Variants in OBI1 observed in about 807,000 individuals in gnomAD.
OBI1 encodes ORC ubiquitin ligase 1, also known as ring finger protein 219.
Under a neutral mutation model 62.4 loss-of-function variants are expected in OBI1, and 59 were observed. The ratio of observed to expected loss-of-function variants is 0.95; its 90% CI spans 0.77 to 1.17. The LOEUF is 1.17. Among genes scored for constraint, OBI1 ranks in the 50% most tolerant of loss-of-function variants. The pLI, the probability that OBI1 is intolerant of heterozygous loss-of-function variation, is 0.00. For missense variants in OBI1, 875 were observed against 830.9 expected (o/e 1.05, Z -0.65); for synonymous variants, 302 against 292.8 (o/e 1.03, Z -0.32).
chr13:78,634,588 C>A (rs774650378), intron 5 of OBI1, among the ~76,000 whole-genome samples: 10 of 152,100 alleles, frequency 6.6e-5, no homozygotes. Context: ...TGAGCCACTG[C>A]GCCCCCTGGT....
rs1252779906 is a variant in OBI1, at chr13:78,616,201, G to A, written c.1560C>T (p.Asn520=). ...ATGCTTCACTGGATGTTCTTGTCCG[G>A]TTCATTTCAAAAGAGCGAATAGAAT... ...RLNSIRSFEM[N]RTRTSSEASM... The change falls in exon 6 of 6, where the codon AAC becomes AAT. Residue 520 remains asparagine, a synonymous_variant. Transcript: ENST00000282003. The A allele has an allele frequency of 6.2e-7, 1 of 1,614,044 alleles. No individual in the cohort carries two copies. The highest frequency in any genetic ancestry group is 1.7e-5 in the Admixed American group (1 of 60,020).
Position 78,616,029 on chromosome 13 carries a change from C to A in OBI1, c.1732G>T (p.Glu578Ter). The change falls in exon 6 of 6, where the codon GAG (glutamate) becomes TAG (stop). Residue 578 changes from glutamate (E) to a stop codon, truncating the protein, a stop_gained. Coordinates refer to ENST00000282003, the MANE Select transcript of OBI1 (RefSeq NM_024546.4). LOFTEE classifies it high-confidence loss of function. The stretch of plus-strand genomic sequence containing the variant: ...TTTTCTTCCAACTTATCAGGTTCCT[C>A]AAGAAATTCACTGCCTTGAGATGAC... ...SKSSQGSEFL[E>*]EPDKLEEKTE... The A allele has an allele frequency of 6.2e-7, 1 of 1,614,140 alleles. No homozygotes were observed. Among genetic ancestry groups the A allele is most frequent in the Non-Finnish European group, 8.5e-7 (1 of 1,180,014 alleles).
chr13:78,619,939 CTAAAG>C (rs2137428494), intron 5 of OBI1, among the ~76,000 whole-genome samples: 1 of 152,316 alleles, frequency 6.6e-6, no homozygotes, highest in East Asian at 1.9e-4. Context: ...CACTGTATTA[CTAAAG>C]TAAACATGTT....
intron 5 of OBI1, among the ~76,000 whole-genome samples, chr13:78,625,929 C>T (rs371263650): frequency 4.4e-4 from 67 of 152,208 alleles, no homozygotes; most frequent in African/African-American, 1.5e-3. Context: ...CAAGAGCCAG[C>T]CAGACCAGCA....
At chr13:78,636,871 T>C (rs1399218066) in intron 4 of OBI1, among the ~76,000 whole-genome samples, 1 of 152,172 alleles carries the variant, frequency 6.6e-6, no homozygotes, top group Non-Finnish European at 1.5e-5. Flanking sequence ...CCTTTCCCCT[T>C]CCCTGCCCCC....
At chr13:78,620,524 C>A (rs1875474172) in intron 5 of OBI1, 4 of 433,892 alleles carry the variant, frequency 9.2e-6, no homozygotes, top group African/African-American at 6.2e-5. Flanking sequence ...TTGGGAGCTA[C>A]AATTGATATC....
At chr13:78,658,278 A>C (rs539652619) in intron 1 of OBI1, among the ~76,000 whole-genome samples, 2 of 152,284 alleles carry the variant, frequency 1.3e-5, no homozygotes, top group South Asian at 4.2e-4. Flanking sequence ...ATGCTCTTTA[A>C]AACACCGAAA....
chr13:78,651,131 A>G (rs1239217259), intron 1 of OBI1, among the ~76,000 whole-genome samples: 1 of 152,238 alleles, frequency 6.6e-6, no homozygotes, highest in Non-Finnish European at 1.5e-5. Context: ...ATCTCAGAAT[A>G]GTCAAAACAT....
intron 4 of OBI1, among the ~76,000 whole-genome samples, chr13:78,636,956 C>T (rs1013503641): frequency 3.3e-5 from 5 of 152,186 alleles, no homozygotes; most frequent in African/African-American, 1.2e-4. Flanking sequence ...TATAGGCTGG[C>T]TAGTTCCTCA....
In OBI1 at chr13:78,659,116, G is replaced by GAT; in HGVS notation, c.4_5insAT (p.Ala2AspfsTer46). On this transcript the variant is annotated frameshift_variant, in exon 1 of 6. Coordinates refer to ENST00000282003, the MANE Select transcript of OBI1 (RefSeq NM_024546.4). LOFTEE classifies it high-confidence loss of function. The stretch of plus-strand genomic sequence containing the variant: ...CAATGTAACATTCTGCACGGTCTGA[G>GAT]CCATGGCAGCGTTCAGAATCCCGCC... 1.2e-6 allele frequency: 2 copies of GAT among 1,611,154 alleles called. 1 individual carries two copies. Among genetic ancestry groups the GAT allele is most frequent in the African/African-American group, 2.7e-5 (2 of 74,790 alleles).
chr13:78,643,614 C>T (rs1441191697), intron 2 of OBI1, among the ~76,000 whole-genome samples: 1 of 152,244 alleles, frequency 6.6e-6, no homozygotes, highest in East Asian at 1.9e-4. Context: ...CATGGAGAAA[C>T]CCCGTCTCTA....
At position 78,645,659 on chromosome 13, in the gene OBI1, A is replaced by ATTT. The variant is rs11408032; in HGVS notation, c.73-665_73-663dup. Among the ~76,000 whole-genome samples, 6 of 151,394 alleles carry ATTT rather than the reference A, an allele frequency of 4.0e-5. No individual in the cohort carries two copies. In the South Asian group the frequency reaches 1.0e-3, roughly 26 times the overall value. On this transcript the variant is annotated intron_variant, in intron 1 of 5. Transcript: ENST00000282003. ...AATAATAATACCTTACATTTATAGC[A>ATTT]TTTTTTTTTGAGACGGAGTCTCGCT... is the stretch of plus-strand genomic sequence containing the variant.
intron 4 of OBI1, among the ~76,000 whole-genome samples, chr13:78,635,529 C>A (rs890456605): frequency 2.0e-4 from 31 of 152,214 alleles, no homozygotes; most frequent in Middle Eastern, 3.4e-3. Flanking sequence ...ACTGAATATT[C>A]TAGGCAAGGT....
chr13:78,623,409 T>C (rs989510431), intron 5 of OBI1, among the ~76,000 whole-genome samples: 2 of 152,136 alleles, frequency 1.3e-5, no homozygotes, highest in Non-Finnish European at 2.9e-5. Context: ...CCACAATTCA[T>C]TGTTTACTTG....
chr13:78,637,627 T>C (rs1244503667), intron 4 of OBI1, among the ~76,000 whole-genome samples: 1 of 152,240 alleles, frequency 6.6e-6, no homozygotes, highest in Non-Finnish European at 1.5e-5. Flanking sequence ...TGATAAATAC[T>C]GTAATTTCCG....
chr13:78,645,043 T>C (rs757578491), intron 1 of OBI1, 46 bp from the exon 2 acceptor site: 3 of 1,552,560 alleles, frequency 1.9e-6, no homozygotes, highest in Non-Finnish European at 2.6e-6. Flanking sequence ...CGGTCATAAT[T>C]AGAAGATCAA....
chr13:78,631,336 G>GGA (rs753990389), intron 5 of OBI1, among the ~76,000 whole-genome samples: 3 of 152,164 alleles, frequency 2.0e-5, no homozygotes, highest in Non-Finnish European at 4.4e-5. Flanking sequence ...TTTGCTAAGG[G>GGA]AAAGTACAAG....
chr13:78,647,214 C>T (rs1010750004), intron 1 of OBI1, among the ~76,000 whole-genome samples: 2 of 152,222 alleles, frequency 1.3e-5, no homozygotes, highest in African/African-American at 4.8e-5. Flanking sequence ...GCCTGACACC[C>T]GTGAACGGTC....
chr13:78,656,637 G>C (rs1000829910), intron 1 of OBI1, among the ~76,000 whole-genome samples: 9 of 142,052 alleles, frequency 6.3e-5, no homozygotes, highest in Middle Eastern at 3.7e-3. Flanking sequence ...AAGGTTGTAT[G>C]AGTGGTAAGT....
Sources: allele counts gnomAD v4.1 joint callset (sites outside exome capture counted in the v4.1 genomes callset), GRCh38; gene constraint gnomAD v4.1.1; transcripts MANE v1.5; gene names NCBI Gene and HGNC (gene_info 2026-07-23, HGNC 2026-07-21).